Variants in GPHN observed in about 807,000 individuals in gnomAD.
GPHN encodes the protein gephyrin.
In GPHN, 17 loss-of-function variants were observed where a neutral mutation model predicts 95.5. The observed-to-expected ratio is 0.18, with a 90% CI of 0.12 to 0.27. GPHN has a LOEUF of 0.27. Ranked by LOEUF, GPHN falls within the 10% of genes least tolerant of loss-of-function variation. The pLI, the probability that GPHN is intolerant of heterozygous loss-of-function variation, is 1.00. For missense variants in GPHN, 660 were observed against 978.1 expected, an observed-to-expected ratio of 0.67 and a Z score of 4.34; for synonymous variants, 320 against 322.5, an observed-to-expected ratio of 0.99 and a Z score of 0.08.
chr14:67,458,275 G>A, the GPHN span, among the ~76,000 whole-genome samples: 1 of 152,178 alleles, frequency 6.6e-6, no homozygotes, highest in East Asian at 1.9e-4. Context: ...TGTGGGGTGA[G>A]GAGCCTCCTC....
intron 4 of GPHN, among the ~76,000 whole-genome samples, chr14:66,838,748 C>T (rs1258075089): frequency 6.6e-6 from 1 of 152,106 alleles, no homozygotes; most frequent in South Asian, 2.1e-4. Flanking sequence ...ATGGATTTCT[C>T]TCTCTGTGTA....
At chr14:66,790,161 A>T (rs1231753136) in intron 3 of GPHN, among the ~76,000 whole-genome samples, 2 of 152,168 alleles carry the variant, frequency 1.3e-5, no homozygotes, top group African/African-American at 2.4e-5. Context: ...AAGTTTTTTT[A>T]AAAATCTCTT....
chr14:66,803,631 T>C (rs944309474), intron 3 of GPHN, among the ~76,000 whole-genome samples: 1 of 152,222 alleles, frequency 6.6e-6, no homozygotes, highest in African/African-American at 2.4e-5. Flanking sequence ...GGAATCCAAT[T>C]ATACTATATT....
the GPHN span, among the ~76,000 whole-genome samples, chr14:67,634,212 C>G: frequency 6.6e-6 from 1 of 152,180 alleles, no homozygotes; most frequent in Admixed American, 6.5e-5. Flanking sequence ...TGATCTGCTA[C>G]TTAGAAGCCA....
the GPHN span, chr14:67,386,170 A>AC: frequency 1.3e-5 from 2 of 152,664 alleles, no homozygotes; most frequent in African/African-American, 4.8e-5. Context: ...GCAAAACAAA[A>AC]AAACTAATTC....
the GPHN span, among the ~76,000 whole-genome samples, chr14:67,522,128 G>A: frequency 3.3e-5 from 5 of 152,290 alleles, no homozygotes; most frequent in Non-Finnish European, 5.9e-5. Flanking sequence ...AGCTGAGATC[G>A]TGCCACTGCA....
the GPHN span, among the ~76,000 whole-genome samples, chr14:67,496,683 C>T: frequency 5.3e-5 from 8 of 149,762 alleles, no homozygotes; most frequent in African/African-American, 2.0e-4. Flanking sequence ...TTCCTTCCTC[C>T]CTCCTTTCTT....
At chr14:67,657,751 CT>C in the GPHN span, among the ~76,000 whole-genome samples, 309 of 115,112 alleles carry the variant, frequency 2.7e-3, 1 homozygote, top group Admixed American at 4.6e-3. Flanking sequence ...TTCTTTCTTT[CT>C]TTTTTTTTTT....
At chr14:66,956,085 T>G (rs1379447840) in intron 8 of GPHN, among the ~76,000 whole-genome samples, 1 of 152,238 alleles carries the variant, frequency 6.6e-6, no homozygotes, top group Non-Finnish European at 1.5e-5. Flanking sequence ...TCTATTTCAT[T>G]TATCTCCACT....
intron 21 of GPHN, among the ~76,000 whole-genome samples, chr14:67,176,271 G>T (rs1198537991): frequency 6.6e-6 from 1 of 152,148 alleles, no homozygotes; most frequent in Non-Finnish European, 1.5e-5. Flanking sequence ...AGTTTATTGA[G>T]AGTTTTTAGC....
intron 3 of GPHN, among the ~76,000 whole-genome samples, chr14:66,797,080 G>A (rs1595930903): frequency 1.0e-5 from 1 of 95,972 alleles, no homozygotes; most frequent in Admixed American, 1.3e-4. Context: ...ACCATTCATT[G>A]AAGAAAGAGT....
chr14:67,162,303 T>C (rs576254965), intron 19 of GPHN, among the ~76,000 whole-genome samples: 3 of 152,338 alleles, frequency 2.0e-5, no homozygotes, highest in African/African-American at 7.2e-5. Flanking sequence ...TCTTATTATC[T>C]GTAGGTTTGC....
rs534031185 is a variant in GPHN, at chr14:67,025,490, A to G, written c.1006+1815A>G. Among the ~76,000 whole-genome samples, 126 of 152,314 alleles carry G rather than the reference A, an allele frequency of 8.3e-4. 3 individuals are homozygous for G. The South Asian group carries it at 0.025, about 31-fold the overall frequency. On this transcript the variant is annotated intron_variant, in intron 10 of 22. Transcript: ENST00000478722. ...GTGAGAGTCTTGCTATGGAAGAATTATAATAGGCACCCTGAGGAATTTTTG... is the reference window on the plus strand; with the variant it reads ...GTGAGAGTCTTGCTATGGAAGAATTGTAATAGGCACCCTGAGGAATTTTTG...
At chr14:67,709,267 A>G in the GPHN span, among the ~76,000 whole-genome samples, 7 of 152,246 alleles carry the variant, frequency 4.6e-5, no homozygotes, top group African/African-American at 7.2e-5. Context: ...ATTTCCCCAA[A>G]AAAGGTGAAA....
chr14:67,667,217 T>C, the GPHN span, among the ~76,000 whole-genome samples: 1 of 152,178 alleles, frequency 6.6e-6, no homozygotes, highest in African/African-American at 2.4e-5. Flanking sequence ...GTGGGCAGCC[T>C]CTCTTCCTTA....
chr14:67,179,452 A>G (rs2083204496), intron 21 of GPHN, 126 bp from the exon 22 acceptor site: 5 of 702,446 alleles, frequency 7.1e-6, no homozygotes, highest in Non-Finnish European at 1.3e-5. Context: ...TGGTAGTGAC[A>G]GCAACGACAG....
intron 2 of GPHN, among the ~76,000 whole-genome samples, chr14:66,688,633 T>C (rs1274684344): frequency 1.3e-5 from 2 of 152,178 alleles, no homozygotes; most frequent in African/African-American, 4.8e-5. Flanking sequence ...GTCTACAACA[T>C]GGGAGATGAA....
chr14:67,286,217 C>T, the GPHN span, among the ~76,000 whole-genome samples: 1 of 152,146 alleles, frequency 6.6e-6, no homozygotes, highest in South Asian at 2.1e-4. Context: ...ACTTTTTTGT[C>T]CACTCCCAAC....
chr14:67,013,583 G>T (rs1356810967), intron 9 of GPHN, among the ~76,000 whole-genome samples: 2 of 152,106 alleles, frequency 1.3e-5, no homozygotes, highest in East Asian at 3.9e-4. Context: ...ATTTCTCGAA[G>T]AAACTTTTCT....
Sources: gnomAD v4.1 joint callset for allele counts (sites outside exome capture counted in the v4.1 genomes callset) on GRCh38, gnomAD v4.1.1 for gene constraint, MANE v1.5 for transcripts, NCBI Gene and HGNC (gene_info 2026-07-23, HGNC 2026-07-21) for gene names.